The following CDK14 variants were observed in gnomAD, a reference collection of about 807,000 sequenced individuals.
CDK14 encodes cyclin dependent kinase 14, also known as cyclin-dependent kinase 14.
In CDK14, 34 loss-of-function variants were observed where a neutral mutation model predicts 60.7. The observed-to-expected ratio is 0.56, with a 90% CI of 0.43 to 0.75. The LOEUF is 0.75. CDK14 is among the 30% of genes least tolerant of loss of function. The pLI, the probability that CDK14 is intolerant of heterozygous loss-of-function variation, is 0.00. For synonymous variants in CDK14, 197 were observed against 203.7 expected (o/e 0.97, Z 0.28); for missense variants, 482 against 564.1 (o/e 0.85, Z 1.47).
At chr7:90,844,140 A>G (rs1790386833) in intron 5 of CDK14, among the ~76,000 whole-genome samples, 1 of 152,348 alleles carries the variant, frequency 6.6e-6, no homozygotes, top group South Asian at 2.1e-4. Flanking sequence ...AAAGATTTTG[A>G]AAAATTAGAA....
chr7:90,872,323 T>C (rs1037031259), intron 6 of CDK14, among the ~76,000 whole-genome samples: 1 of 152,200 alleles, frequency 6.6e-6, no homozygotes, highest in African/African-American at 2.4e-5. Flanking sequence ...TGTATAATAC[T>C]GTGATTCTAT....
At chr7:91,016,569 G>A (rs1311359860) in intron 10 of CDK14, among the ~76,000 whole-genome samples, 1 of 152,118 alleles carries the variant, frequency 6.6e-6, no homozygotes, top group East Asian at 1.9e-4. Flanking sequence ...CACCCAACCT[G>A]GTTTTCAATT....
At chr7:90,813,791 G>A (rs73220834) in intron 5 of CDK14, among the ~76,000 whole-genome samples, 2,453 of 152,120 alleles carry the variant, frequency 0.016, 33 homozygotes, top group Non-Finnish European at 0.023. Context: ...ATAAATAATA[G>A]TTAGGGTCCG....
At chr7:90,672,668 C>T (rs1290157977) in intron 2 of CDK14, among the ~76,000 whole-genome samples, 1 of 151,816 alleles carries the variant, frequency 6.6e-6, no homozygotes, top group East Asian at 1.9e-4. Flanking sequence ...TACAGGTGTA[C>T]ACCACAACAT....
chr7:90,848,384 A>G (rs546206983), intron 5 of CDK14, among the ~76,000 whole-genome samples: 2 of 152,272 alleles, frequency 1.3e-5, no homozygotes, highest in South Asian at 4.1e-4. Context: ...GCCTGGCCTG[A>G]GCCACAGTGC....
intron 14 of CDK14, among the ~76,000 whole-genome samples, chr7:91,203,027 A>G (rs556548908): frequency 6.6e-6 from 1 of 152,342 alleles, no homozygotes; most frequent in Admixed American, 6.5e-5. Context: ...AGGATAGTGA[A>G]TATGCCATTG....
chr7:91,194,170 C>T (rs897549472), intron 14 of CDK14, among the ~76,000 whole-genome samples: 19 of 152,222 alleles, frequency 1.2e-4, no homozygotes, highest in African/African-American at 4.6e-4. Context: ...CTGAGAGAGA[C>T]AAGATTTAGC....
intron 7 of CDK14, among the ~76,000 whole-genome samples, chr7:90,902,031 G>A (rs930627302): frequency 1.3e-5 from 2 of 151,960 alleles, no homozygotes; most frequent in Admixed American, 6.6e-5. Flanking sequence ...AATTATGTAG[G>A]AATCAGTTTA....
chr7:90,611,638 A>G (rs1799540106), intron 2 of CDK14, among the ~76,000 whole-genome samples: 1 of 152,114 alleles, frequency 6.6e-6, no homozygotes, highest in Non-Finnish European at 1.5e-5. Context: ...GTAGTTGTAT[A>G]ACTGACTTCC....
chr7:91,051,168 A>G (rs1200169632), intron 11 of CDK14, among the ~76,000 whole-genome samples: 1 of 152,196 alleles, frequency 6.6e-6, no homozygotes, highest in Non-Finnish European at 1.5e-5. Context: ...ACCTGAATTA[A>G]TAGAGCAAGA....
rs553767108 is a variant in CDK14, at chr7:91,057,361, T to C, written c.1105+11401T>C. 1.8e-3 allele frequency among the ~76,000 whole-genome samples: 277 copies of C among 152,318 alleles called. 2 individuals are homozygous for C. The highest frequency in any genetic ancestry group is 6.3e-3 in the African/African-American group (260 of 41,564). On this transcript the variant is annotated intron_variant, in intron 11 of 14. Coordinates refer to ENST00000380050, the MANE Select transcript of CDK14 (RefSeq NM_001287135.2). ...TTTCTCCGATGCTGTAGGTTGCCTGTTCACTCTGATGGGAGTTTCTTTTGC... is the reference window on the plus strand; with the variant it reads ...TTTCTCCGATGCTGTAGGTTGCCTGCTCACTCTGATGGGAGTTTCTTTTGC...
chr7:91,036,501 C>T (rs71558804), intron 10 of CDK14, among the ~76,000 whole-genome samples: 16,677 of 152,118 alleles, frequency 0.11, 1,138 homozygotes, highest in Non-Finnish European at 0.15. Flanking sequence ...GTGCCTGTCT[C>T]TCCTGCCTCC....
intron 10 of CDK14, among the ~76,000 whole-genome samples, chr7:90,994,666 A>G (rs1354856915): frequency 1.6e-4 from 25 of 152,312 alleles, no homozygotes; most frequent in Admixed American, 1.4e-3. Context: ...TATAGCCATT[A>G]TATTACTGCT....
chr7:90,955,604 G>T, intron 8 of CDK14, 93 bp from the exon 9 acceptor site: 1 of 1,371,048 alleles, frequency 7.3e-7, no homozygotes, highest in Non-Finnish European at 1.0e-6. Flanking sequence ...TTAAAAGGTC[G>T]GGTTTGACCT....
intron 9 of CDK14, among the ~76,000 whole-genome samples, chr7:90,966,582 T>C (rs1249792617): frequency 6.6e-6 from 1 of 152,154 alleles, no homozygotes; most frequent in African/African-American, 2.4e-5. Flanking sequence ...TCCCTTTTTT[T>C]CAGCTCAGTG....
chr7:90,922,208 G>A lies in CDK14; in HGVS notation c.826+4484G>A, dbSNP rs139971033. On this transcript the variant is annotated intron_variant, in intron 8 of 14. Coordinates refer to ENST00000380050, the MANE Select transcript of CDK14 (RefSeq NM_001287135.2). The stretch of plus-strand genomic sequence containing the variant: ...CTTAGCTCATTTGTTGTGGCCTGCC[G>A]GATTCAATTTTACTGTATCTTTCTT... Among the ~76,000 whole-genome samples the A allele has an allele frequency of 3.9e-5, 6 of 152,144 alleles. No individual in the cohort carries two copies. The East Asian group carries it at 9.6e-4, about 24-fold the overall frequency.
In CDK14 at chr7:90,664,381, C is replaced by T. The variant is rs1205676583; in HGVS notation, c.123+60132C>T. ...TCAACCATTGTGGAAGTCGGTGTGG[C>T]GATTCCTCAGGGATCTAGAACTAGA... On this transcript the variant is annotated intron_variant, in intron 2 of 14. Coordinates refer to ENST00000380050, the MANE Select transcript of CDK14 (RefSeq NM_001287135.2). 6.6e-5 allele frequency among the ~76,000 whole-genome samples: 10 copies of T among 152,192 alleles called. No homozygotes were observed. The East Asian group carries it at 9.7e-4, about 15-fold the overall frequency.
intron 2 of CDK14, among the ~76,000 whole-genome samples, chr7:90,696,158 C>T (rs1010311510): frequency 2.0e-5 from 3 of 151,986 alleles, no homozygotes; most frequent in Non-Finnish European, 4.4e-5. Context: ...AGGGAACTAG[C>T]TTGTTGGAGT....
intron 2 of CDK14, among the ~76,000 whole-genome samples, chr7:90,686,806 T>C (rs1383158047): frequency 6.6e-6 from 1 of 152,162 alleles, no homozygotes; most frequent in East Asian, 1.9e-4. Flanking sequence ...GTTGGGAGAA[T>C]CAATGGAACT....
Sources: allele counts gnomAD v4.1 joint callset (sites outside exome capture counted in the v4.1 genomes callset), GRCh38; gene constraint gnomAD v4.1.1; transcripts MANE v1.5; gene names NCBI Gene and HGNC (gene_info 2026-07-23, HGNC 2026-07-21).